Variants in KLHL14 observed in about 807,000 individuals in gnomAD.
KLHL14 encodes kelch like family member 14, also known as kelch-like protein 14.
KLHL14 carries 22 observed loss-of-function variants against 64.3 expected under a neutral mutation model. The observed-to-expected ratio is 0.34, with a 90% CI of 0.24 to 0.49. The LOEUF (loss-of-function observed/expected upper bound fraction) is 0.49, where lower values mean the gene tolerates loss of function less well. Among genes scored for constraint, KLHL14 ranks in the 20% least tolerant of loss-of-function variants. The pLI, the probability that KLHL14 is intolerant of heterozygous loss-of-function variation, is 0.99. For synonymous variants in KLHL14, 322 were observed against 333.4 expected, an observed-to-expected ratio of 0.97 and a Z score of 0.37; for missense variants, 661 against 789.0, an observed-to-expected ratio of 0.84 and a Z score of 1.94.
At chr18:32,754,990 G>C (rs557158265) in intron 2 of KLHL14, among the ~76,000 whole-genome samples, 24 of 151,270 alleles carry the variant, frequency 1.6e-4, no homozygotes, top group Non-Finnish European at 3.2e-4. Context: ...AGGCCCTGGC[G>C]GGTGTGTGTG....
chr18:32,734,065 C>A, intron 3 of KLHL14: 1 of 668,978 alleles, frequency 1.5e-6, no homozygotes, highest in Non-Finnish European at 2.7e-6. Context: ...GGGTAATCTC[C>A]CCTTGGAGGA....
chr18:32,742,124 C>A, intron 2 of KLHL14, 75 bp from the exon 3 acceptor site: 1 of 1,461,978 alleles, frequency 6.8e-7, no homozygotes, highest in Non-Finnish European at 9.3e-7. Context: ...AAATCATAAC[C>A]ATCAAAGAAT....
intron 3 of KLHL14, among the ~76,000 whole-genome samples, chr18:32,712,589 C>T (rs2144501561): frequency 6.6e-6 from 1 of 152,272 alleles, no homozygotes; most frequent in Non-Finnish European, 1.5e-5. Context: ...GGGAAACATG[C>T]TGCTATATTG....
intron 3 of KLHL14, among the ~76,000 whole-genome samples, chr18:32,703,415 G>A (rs2049975811): frequency 1.3e-5 from 2 of 152,258 alleles, no homozygotes; most frequent in East Asian, 1.9e-4. Flanking sequence ...AAAGAAGAAA[G>A]GGTGACTTTG....
Position 32,769,663 on chromosome 18 carries a change from C to T in KLHL14, c.929G>A (p.Arg310Lys). 6.5e-7 allele frequency: 1 copy of T among 1,532,350 alleles called. No individual in the cohort carries two copies. The allele number at this position is 1,532,350 out of a possible 1,614,324, so 94.9% of individuals were successfully genotyped here. ...CTCCTACCTGCTGGCCAGGCTCTGC[C>T]TGCAGTGCTGCCTGAAGGGCATCAG... is the stretch of plus-strand genomic sequence containing the variant. ...YHLMPFRQHC[R>K]QSLASRIRSN... The change falls in exon 2 of 9, where the codon AGG (arginine) becomes AAG (lysine). Residue 310 changes from arginine (R) to lysine (K), a missense_variant. Physicochemically the swap from Arg to Lys is conservative, Grantham distance 26. Transcript: ENST00000359358.
chr18:32,720,767 G>T (rs1412890496), intron 3 of KLHL14, among the ~76,000 whole-genome samples: 1 of 152,174 alleles, frequency 6.6e-6, no homozygotes, highest in Non-Finnish European at 1.5e-5. Context: ...TAGCCAGAGA[G>T]ATGTGACTTT....
At chr18:32,693,844 T>C (rs2049923879) in intron 4 of KLHL14, among the ~76,000 whole-genome samples, 2 of 152,200 alleles carry the variant, frequency 1.3e-5, no homozygotes, top group South Asian at 4.1e-4. Flanking sequence ...AGTTCAAAGA[T>C]AAAATCTTGA....
intron 2 of KLHL14, among the ~76,000 whole-genome samples, chr18:32,752,778 CTTTTT>C (rs61338140): frequency 6.3e-5 from 6 of 95,418 alleles, no homozygotes; most frequent in Non-Finnish European, 6.2e-5. Flanking sequence ...AATGTGGGAA[CTTTTT>C]TTTTTTTTTT....
intron 3 of KLHL14, among the ~76,000 whole-genome samples, chr18:32,702,603 A>G (rs979188026): frequency 2.0e-5 from 3 of 152,122 alleles, no homozygotes; most frequent in Non-Finnish European, 2.9e-5. Flanking sequence ...AATAAATAGG[A>G]AAAAGCTCTG....
Position 32,755,629 on chromosome 18 carries a change from C to T in KLHL14, c.948-13580G>A, listed in dbSNP as rs1370235306. ...ATGTAGCAAATTCAAAAAACAGAAG[C>T]AATTATTTGTTTAGTTCCATGATTT... On this transcript the variant is annotated intron_variant, in intron 2 of 8. Transcript: ENST00000359358. Among the ~76,000 whole-genome samples the T allele has an allele frequency of 2.6e-5, 4 of 152,196 alleles. No individual in the cohort carries two copies. In the East Asian group the frequency reaches 7.7e-4, roughly 29 times the overall value.
intron 5 of KLHL14, among the ~76,000 whole-genome samples, chr18:32,684,171 G>T (rs895457042): frequency 3.3e-5 from 5 of 152,052 alleles, no homozygotes; most frequent in African/African-American, 9.7e-5. Flanking sequence ...CTTTACTGAA[G>T]AATTAAATTC....
intron 2 of KLHL14, among the ~76,000 whole-genome samples, chr18:32,769,414 C>A (rs1407739358): frequency 6.6e-6 from 1 of 152,146 alleles, no homozygotes; most frequent in Non-Finnish European, 1.5e-5. Flanking sequence ...ATATCTAGAA[C>A]CTCGGCTTTG....
chr18:32,752,493 AAT>A (rs1226005839), intron 2 of KLHL14, among the ~76,000 whole-genome samples: 1 of 152,132 alleles, frequency 6.6e-6, no homozygotes, highest in Non-Finnish European at 1.5e-5. Flanking sequence ...ATGTCCAAAT[AAT>A]GAGTCTTTCT....
intron 3 of KLHL14, chr18:32,738,442 C>G (rs1471776517): frequency 6.6e-6 from 1 of 152,098 alleles, no homozygotes; most frequent in South Asian, 2.1e-4. Context: ...TAAAGATGAA[C>G]AAAAGTGCAT....
At chr18:32,685,634 A>T (rs977872498) in intron 5 of KLHL14, among the ~76,000 whole-genome samples, 2 of 152,212 alleles carry the variant, frequency 1.3e-5, no homozygotes, top group Non-Finnish European at 2.9e-5. Context: ...TAATTGACTT[A>T]GAATTATTTC....
At chr18:32,703,053 A>G (rs1387366178) in intron 3 of KLHL14, among the ~76,000 whole-genome samples, 2 of 152,152 alleles carry the variant, frequency 1.3e-5, no homozygotes, top group African/African-American at 4.8e-5. Flanking sequence ...CTAAATGCAT[A>G]CTTTTACTGT....
intron 2 of KLHL14, among the ~76,000 whole-genome samples, chr18:32,756,038 G>A (rs1157239762): frequency 6.6e-6 from 1 of 152,052 alleles, no homozygotes; most frequent in Non-Finnish European, 1.5e-5. Flanking sequence ...GCTTTGTTAC[G>A]GACCAAACTG....
chr18:32,711,218 T>G (rs763540225), intron 3 of KLHL14, among the ~76,000 whole-genome samples: 4 of 151,954 alleles, frequency 2.6e-5, no homozygotes, highest in Non-Finnish European at 5.9e-5. Context: ...CACAGCTACA[T>G]GTAAAAGCTA....
At chr18:32,733,146 C>T (rs1458818570) in intron 3 of KLHL14, among the ~76,000 whole-genome samples, 1 of 152,122 alleles carries the variant, frequency 6.6e-6, no homozygotes, top group African/African-American at 2.4e-5. Flanking sequence ...TAAGTTAAAA[C>T]TCAGCTTAGT....
Sources: gnomAD v4.1 joint callset for allele counts (sites outside exome capture counted in the v4.1 genomes callset) on GRCh38, gnomAD v4.1.1 for gene constraint, MANE v1.5 for transcripts, NCBI Gene and HGNC (gene_info 2026-07-23, HGNC 2026-07-21) for gene names.